The following QTMAN variants were observed in gnomAD, a reference collection of about 807,000 sequenced individuals.
The protein encoded by QTMAN is tRNA-queuosine alpha-mannosyltransferase.
the QTMAN span, among the ~76,000 whole-genome samples, chr2:143,959,632 T>A: frequency 6.6e-6 from 1 of 152,158 alleles, no homozygotes; most frequent in Non-Finnish European, 1.5e-5. Flanking sequence ...GTGATAATTA[T>A]CGTACAGCTA....
At chr2:144,121,472 T>C in the QTMAN span, among the ~76,000 whole-genome samples, 1 of 152,198 alleles carries the variant, frequency 6.6e-6, no homozygotes, top group East Asian at 1.9e-4. Flanking sequence ...ACATTCAGTA[T>C]GTCTGCCATA....
chr2:144,259,749 A>G, the QTMAN span, among the ~76,000 whole-genome samples: 1 of 152,188 alleles, frequency 6.6e-6, no homozygotes, highest in Non-Finnish European at 1.5e-5. Flanking sequence ...AGGGTCTAAG[A>G]AAAGAAATTT....
At chr2:144,288,764 T>C in the QTMAN span, among the ~76,000 whole-genome samples, 1 of 152,188 alleles carries the variant, frequency 6.6e-6, no homozygotes, top group African/African-American at 2.4e-5. Context: ...GCTATTTCAA[T>C]GTTCTATGAA....
chr2:144,288,337 T>C, the QTMAN span, among the ~76,000 whole-genome samples: 1 of 152,196 alleles, frequency 6.6e-6, no homozygotes, highest in Non-Finnish European at 1.5e-5. Context: ...TATATAAATT[T>C]AAAGAACAAT....
chr2:144,169,327 G>T, the QTMAN span, among the ~76,000 whole-genome samples: 1,779 of 152,214 alleles, frequency 0.012, 15 homozygotes, highest in Non-Finnish European at 0.016. Context: ...AAATTTTCAA[G>T]TATATACAAA....
the QTMAN span, among the ~76,000 whole-genome samples, chr2:144,056,226 C>A: frequency 6.6e-6 from 1 of 152,162 alleles, no homozygotes; most frequent in Non-Finnish European, 1.5e-5. Flanking sequence ...TCAGTAAAAT[C>A]TAGAAATTGA....
At chr2:144,216,951 A>G in the QTMAN span, among the ~76,000 whole-genome samples, 7 of 152,218 alleles carry the variant, frequency 4.6e-5, no homozygotes, top group Non-Finnish European at 2.9e-5. Flanking sequence ...TTAGGCTTTT[A>G]TTTAACAGAG....
the QTMAN span, among the ~76,000 whole-genome samples, chr2:144,043,590 GC>G: frequency 2.0e-5 from 3 of 150,936 alleles, no homozygotes; most frequent in Non-Finnish European, 2.9e-5. Flanking sequence ...CTGAGATCAC[GC>G]CACTGCACTC....
the QTMAN span, among the ~76,000 whole-genome samples, chr2:144,206,151 C>A: frequency 6.6e-6 from 1 of 152,068 alleles, no homozygotes; most frequent in East Asian, 1.9e-4. Flanking sequence ...AGAAAAACAC[C>A]AATATGTATC....
the QTMAN span, among the ~76,000 whole-genome samples, chr2:144,071,940 A>G: frequency 6.6e-6 from 1 of 152,222 alleles, no homozygotes. Flanking sequence ...AGACAAGAAT[A>G]AAGCCAACTC....
the QTMAN span, among the ~76,000 whole-genome samples, chr2:144,116,720 T>A: frequency 6.6e-6 from 1 of 152,210 alleles, no homozygotes; most frequent in Non-Finnish European, 1.5e-5. Context: ...CTGTAGATTG[T>A]GCATTTCTTC....
the QTMAN span, among the ~76,000 whole-genome samples, chr2:144,072,121 C>A: frequency 6.6e-5 from 10 of 152,108 alleles, no homozygotes; most frequent in Non-Finnish European, 1.5e-4. Flanking sequence ...GATCAGAGAG[C>A]AAGCAACTTC....
the QTMAN span, among the ~76,000 whole-genome samples, chr2:144,213,477 A>G: frequency 1.3e-5 from 2 of 152,224 alleles, no homozygotes; most frequent in South Asian, 2.1e-4. Context: ...TATGACGTCA[A>G]TTTAGTTACC....
the QTMAN span, among the ~76,000 whole-genome samples, chr2:143,986,782 A>G: frequency 6.6e-6 from 1 of 152,346 alleles, no homozygotes; most frequent in Non-Finnish European, 1.5e-5. Flanking sequence ...GCTTTAATCT[A>G]AAAATATACA....
the QTMAN span, among the ~76,000 whole-genome samples, chr2:144,041,140 ATTCAAAAT>A: frequency 6.6e-6 from 1 of 152,218 alleles, no homozygotes; most frequent in Admixed American, 6.5e-5. Context: ...TGCTAAATAT[ATTCAAAAT>A]TTCTAAATTT....
At chr2:143,995,871 T>A in the QTMAN span, among the ~76,000 whole-genome samples, 2 of 152,138 alleles carry the variant, frequency 1.3e-5, no homozygotes, top group Non-Finnish European at 2.9e-5. Flanking sequence ...GTCTAGAAGA[T>A]CTCTAACTTA....
chr2:144,329,894 A>G, the QTMAN span, among the ~76,000 whole-genome samples: 3 of 152,244 alleles, frequency 2.0e-5, no homozygotes, highest in African/African-American at 7.2e-5. Context: ...ACTACACATG[A>G]TAACAGGTAT....
At chr2:144,194,244 C>T in the QTMAN span, among the ~76,000 whole-genome samples, 16 of 152,092 alleles carry the variant, frequency 1.1e-4, no homozygotes, top group African/African-American at 3.6e-4. Context: ...TCATTTGATC[C>T]TCACAAATCT....
the QTMAN span, among the ~76,000 whole-genome samples, chr2:144,140,564 CA>C: frequency 1.3e-5 from 2 of 151,936 alleles, no homozygotes; most frequent in African/African-American, 4.8e-5. Context: ...ACTATGTCTA[CA>C]AATACATAGA....
Sources: gnomAD v4.1 joint callset for allele counts (sites outside exome capture counted in the v4.1 genomes callset) on GRCh38, gnomAD v4.1.1 for gene constraint, MANE v1.5 for transcripts, NCBI Gene and HGNC (gene_info 2026-07-23, HGNC 2026-07-21) for gene names.